Variants in DPP6 observed in about 807,000 individuals in gnomAD.
DPP6 encodes the protein dipeptidyl peptidase like 6, also known as A-type potassium channel modulatory protein DPP6.
DPP6 carries 69 observed loss-of-function variants against 122.6 expected under a neutral mutation model. That is an observed-to-expected ratio of 0.56 (90% CI 0.46 to 0.69). DPP6 has a LOEUF of 0.69. DPP6 is among the 30% of genes least tolerant of loss of function. The probability of loss-of-function intolerance (pLI) is 0.00; values close to 1 mark genes in which losing one functional copy is unlikely to be tolerated. For missense variants in DPP6, 928 were observed against 1,116.9 expected (o/e 0.83, Z 2.41); for synonymous variants, 418 against 433.1 (o/e 0.97, Z 0.43).
chr7:154,696,935 C>A (rs1430291651), intron 7 of DPP6, among the ~76,000 whole-genome samples: 1 of 149,516 alleles, frequency 6.7e-6, no homozygotes, highest in Non-Finnish European at 1.5e-5. Flanking sequence ...GAAAATGCGA[C>A]AGTGAGAAAG....
intron 8 of DPP6, among the ~76,000 whole-genome samples, chr7:154,733,022 GC>G: frequency 6.6e-6 from 1 of 152,128 alleles, no homozygotes; most frequent in Non-Finnish European, 1.5e-5. Flanking sequence ...CTGCAGCCCT[GC>G]CCTGACTCCT....
intron 7 of DPP6, among the ~76,000 whole-genome samples, chr7:154,676,600 G>A (rs1838927083): frequency 6.6e-6 from 1 of 152,254 alleles, no homozygotes; most frequent in African/African-American, 2.4e-5. Context: ...CCACCTTAGT[G>A]ATTGCTACAC....
the DPP6 span, among the ~76,000 whole-genome samples, chr7:153,789,821 A>G: frequency 6.6e-6 from 1 of 152,146 alleles, no homozygotes; most frequent in Non-Finnish European, 1.5e-5. Context: ...ATCATTAAGG[A>G]TGTTTACTTT....
rs376512368 is a variant in DPP6, at chr7:154,685,519, A to G, written c.762+16078A>G. On this transcript the variant is annotated intron_variant, in intron 7 of 25. Coordinates refer to ENST00000377770, the MANE Select transcript of DPP6 (RefSeq NM_130797.4). Reference sequence around the variant, plus strand: ...CCATGTCTGAGCATCCTGGGTTTAGATGCTTACAGGCGGGACTGGGACTGG... The same window carrying G: ...CCATGTCTGAGCATCCTGGGTTTAGGTGCTTACAGGCGGGACTGGGACTGG... Among the ~76,000 whole-genome samples the G allele has an allele frequency of 4.6e-5, 7 of 152,290 alleles. No individual in the cohort carries two copies. The East Asian group carries it at 1.4e-3, about 29-fold the overall frequency.
intron 1 of DPP6, among the ~76,000 whole-genome samples, chr7:154,383,289 C>T (rs1813788609): frequency 6.6e-6 from 1 of 152,164 alleles, no homozygotes; most frequent in South Asian, 2.1e-4. Flanking sequence ...TTCCTCTGCC[C>T]TTCTGAACTG....
At chr7:154,353,625 C>A (rs935544020) in intron 1 of DPP6, among the ~76,000 whole-genome samples, 2 of 152,106 alleles carry the variant, frequency 1.3e-5, no homozygotes, top group African/African-American at 4.8e-5. Flanking sequence ...AAGACAAAAA[C>A]ATACTAGACA....
At chr7:154,532,731 TA>T (rs1371025837) in intron 3 of DPP6, among the ~76,000 whole-genome samples, 2 of 152,044 alleles carry the variant, frequency 1.3e-5, no homozygotes, top group African/African-American at 4.8e-5. Flanking sequence ...AATGCATGCA[TA>T]TTTTTTAAAT....
chr7:154,020,810 C>T (rs2533818), intron 1 of DPP6, among the ~76,000 whole-genome samples: 4 of 151,886 alleles, frequency 2.6e-5, no homozygotes, highest in Non-Finnish European at 4.4e-5. Flanking sequence ...TGGGGCAAAG[C>T]GGCAAGAGAA....
intron 1 of DPP6, among the ~76,000 whole-genome samples, chr7:154,140,041 A>G (rs1366783484): frequency 6.6e-6 from 1 of 152,186 alleles, no homozygotes; most frequent in Non-Finnish European, 1.5e-5. Flanking sequence ...AGATCCTCCA[A>G]TATGTGAATT....
At chr7:154,152,720 C>T (rs1352736746) in intron 1 of DPP6, among the ~76,000 whole-genome samples, 4 of 152,150 alleles carry the variant, frequency 2.6e-5, no homozygotes, top group Non-Finnish European at 5.9e-5. Context: ...GGACCAGAAA[C>T]CCAGGAGCGT....
At chr7:154,152,856 C>T (rs1188515841) in intron 1 of DPP6, among the ~76,000 whole-genome samples, 3 of 152,224 alleles carry the variant, frequency 2.0e-5, no homozygotes, top group Non-Finnish European at 2.9e-5. Flanking sequence ...AAGCCCTTGA[C>T]TTGCCGGAGT....
chr7:154,549,842 C>T lies in DPP6; in HGVS notation c.552+9216C>T, dbSNP rs543229458. ...AATGAATCAACCTCCAGTCTCTGGA[C>T]GATCATTATTTTGGCCTTAACTGTG... On this transcript the variant is annotated intron_variant, in intron 4 of 25. Transcript: ENST00000377770. Among the ~76,000 whole-genome samples, 9 of 152,130 alleles carry T rather than the reference C, an allele frequency of 5.9e-5. No individual in the cohort carries two copies. In the East Asian group the frequency reaches 7.7e-4, roughly 13 times the overall value.
intron 1 of DPP6, among the ~76,000 whole-genome samples, chr7:154,407,516 G>A (rs1816219814): frequency 6.6e-6 from 1 of 152,184 alleles, no homozygotes; most frequent in Non-Finnish European, 1.5e-5. Context: ...TTGCCAGGAT[G>A]TGTTTAAAGA....
At chr7:154,119,225 AG>A (rs1219238790) in intron 1 of DPP6, among the ~76,000 whole-genome samples, 1 of 152,210 alleles carries the variant, frequency 6.6e-6, no homozygotes, top group Non-Finnish European at 1.5e-5. Context: ...TGAATGAAGG[AG>A]GGGCCATTAT....
At chr7:154,840,622 T>C (rs1436221183) in intron 16 of DPP6, among the ~76,000 whole-genome samples, 1 of 152,018 alleles carries the variant, frequency 6.6e-6, no homozygotes, top group Non-Finnish European at 1.5e-5. Flanking sequence ...GATTTCCTCT[T>C]GTAAAACTGT....
At chr7:154,126,443 C>A (rs575455782) in intron 1 of DPP6, among the ~76,000 whole-genome samples, 10 of 151,942 alleles carry the variant, frequency 6.6e-5, no homozygotes, top group South Asian at 4.2e-4. Flanking sequence ...GTGCTGTCAT[C>A]TTATGAGGGC....
At chr7:153,837,837 A>ATTTTTTTTTTTTTTTTTTTTTTTTT in the DPP6 span, among the ~76,000 whole-genome samples, 2 of 80,630 alleles carry the variant, frequency 2.5e-5, no homozygotes, top group Non-Finnish European at 2.3e-5. Context: ...TGCCTGGTTA[A>ATTTTTTTTTTTTTTTTTTTTTTTTT]TTTTTTTTTT....
chr7:153,828,589 G>T, the DPP6 span, among the ~76,000 whole-genome samples: 65,445 of 152,040 alleles, frequency 0.43, 14,134 homozygotes, highest in Middle Eastern at 0.46. Context: ...AGGAAAGAAA[G>T]TATATCTGAT....
chr7:154,766,233 A>G (rs964438960), intron 8 of DPP6, among the ~76,000 whole-genome samples: 2 of 152,222 alleles, frequency 1.3e-5, no homozygotes, highest in African/African-American at 4.8e-5. Context: ...TGACATTCAG[A>G]GGAACTACCC....
Sources: gnomAD v4.1 joint callset for allele counts (sites outside exome capture counted in the v4.1 genomes callset) on GRCh38, gnomAD v4.1.1 for gene constraint, MANE v1.5 for transcripts, NCBI Gene and HGNC (gene_info 2026-07-23, HGNC 2026-07-21) for gene names.